The following DNAH11 variants were observed in gnomAD, a reference collection of about 807,000 sequenced individuals.
The protein encoded by DNAH11 is axonemal beta dynein heavy chain 11.
In DNAH11, 442 loss-of-function variants were observed where a neutral mutation model predicts 526.0. The observed-to-expected ratio is 0.84, with a 90% confidence interval of 0.78 to 0.91. The LOEUF (loss-of-function observed/expected upper bound fraction) is 0.91. Ranked by LOEUF, DNAH11 falls within the 40% of genes least tolerant of loss-of-function variation. DNAH11 has a pLI of 0.00. For missense variants in DNAH11, 6,989 were observed against 5,448.7 expected (o/e 1.28, Z -8.90); for synonymous variants, 2,461 against 1,935.9 (o/e 1.27, Z -7.12).
intron 56 of DNAH11, among the ~76,000 whole-genome samples, chr7:21,776,890 T>G (rs904243152): frequency 8.0e-4 from 122 of 152,244 alleles, no homozygotes; most frequent in African/African-American, 2.8e-3. Flanking sequence ...AAAGTGGCAT[T>G]GGTACAATCC....
At chr7:21,829,870 TGGG>T (rs2128007926) in intron 65 of DNAH11, among the ~76,000 whole-genome samples, 1 of 152,364 alleles carries the variant, frequency 6.6e-6, no homozygotes, top group African/African-American at 2.4e-5. Context: ...AACTGATCAT[TGGG>T]AACAGTGTTT....
intron 14 of DNAH11, among the ~76,000 whole-genome samples, chr7:21,593,583 G>T (rs1303332767): frequency 1.3e-5 from 2 of 152,122 alleles, no homozygotes; most frequent in African/African-American, 2.4e-5. Flanking sequence ...ATGGGATTTA[G>T]TAAATACCTG....
At position 21,669,657 on chromosome 7, in the gene DNAH11, T is replaced by TG. The variant is rs565367069; in HGVS notation, c.5328+10626_5328+10627insG. Among the ~76,000 whole-genome samples the TG allele has an allele frequency of 7.2e-3, 1,076 of 149,908 alleles. 16 individuals carry two copies. The highest frequency in any genetic ancestry group is 0.024 in the African/African-American group (988 of 40,828). ...TGTCTTTTTAAAAATGTTTTTCTTT[T>TG]TGTGTGTGTGTGTGTGTGTGTATGA... On this transcript the variant is annotated intron_variant, in intron 30 of 81. Coordinates refer to ENST00000409508, the MANE Select transcript of DNAH11 (RefSeq NM_001277115.2).
intron 61 of DNAH11, among the ~76,000 whole-genome samples, chr7:21,795,787 G>T (rs954698963): frequency 6.6e-6 from 1 of 152,130 alleles, no homozygotes; most frequent in East Asian, 1.9e-4. Flanking sequence ...GCCAAGGGAG[G>T]TTGCATTGGC....
intron 65 of DNAH11, among the ~76,000 whole-genome samples, chr7:21,829,406 A>G (rs978468298): frequency 4.6e-5 from 7 of 152,188 alleles, no homozygotes; most frequent in African/African-American, 7.2e-5. Flanking sequence ...CAATATAATA[A>G]TACAATATCT....
chr7:21,606,314 C>T lies in DNAH11; in HGVS notation c.3649-112C>T, dbSNP rs968652264. ...CTCCAGCCTAGGGGATAGAGCCAGA[C>T]CTTGTCTCAAGAGAAAAAAAAAAAA... is the stretch of plus-strand genomic sequence containing the variant. On this transcript the variant is annotated intron_variant, in intron 18 of 81. Transcript: ENST00000409508. 9 of 898,036 alleles carry T rather than the reference C, an allele frequency of 1.0e-5. No individual in the cohort carries two copies. The African/African-American group carries it at 1.4e-4, about 14-fold the overall frequency. 55.6% of individuals were successfully genotyped at this position (898,036 alleles called of 1,614,324 possible). A position where few individuals can be genotyped will look rare whatever the true frequency, so the allele number is the denominator to read the frequency against.
rs760173975 is a variant in DNAH11, at chr7:21,588,219, T to C, written c.1848+18T>C. ...TGAAACAGGTAAGTGGTGGATAAGG[T>C]TGGACACATTTACAATATCATTTAG... On this transcript the variant is annotated intron_variant, in intron 10 of 81. Transcript: ENST00000409508. The C allele has an allele frequency of 6.2e-7, 1 of 1,603,480 alleles. No individual in the cohort carries two copies. The highest frequency in any genetic ancestry group is 8.5e-7 in the Non-Finnish European group (1 of 1,176,046).
chr7:21,729,362 A>C (rs970879589), intron 45 of DNAH11, among the ~76,000 whole-genome samples: 2 of 151,874 alleles, frequency 1.3e-5, no homozygotes, highest in Non-Finnish European at 2.9e-5. Context: ...TACACCCCTA[A>C]TTTCTTTATG....
rs7780089 is a variant in DNAH11, at chr7:21,614,877, G to A, written c.3853-237G>A. Among the ~76,000 whole-genome samples, 4,563 of 152,252 alleles carry A rather than the reference G, an allele frequency of 0.03. 230 individuals are homozygous for A. The highest frequency in any genetic ancestry group is 0.1 in the African/African-American group (4,281 of 41,534). Reference sequence around the variant, plus strand: ...GATGAAGAAGAAATTTTGCTAATACGTGTATAGGGACAGTATTGTTGAAGT... The same window carrying A: ...GATGAAGAAGAAATTTTGCTAATACATGTATAGGGACAGTATTGTTGAAGT... On this transcript the variant is annotated intron_variant, in intron 20 of 81. Transcript: ENST00000409508.
At chr7:21,870,516 C>G (rs1783457379) in intron 73 of DNAH11, among the ~76,000 whole-genome samples, 1 of 152,108 alleles carries the variant, frequency 6.6e-6, no homozygotes, top group African/African-American at 2.4e-5. Context: ...ACAGTTGACA[C>G]TCAGACAGTT....
chr7:21,742,237 T>G, intron 49 of DNAH11, 71 bp downstream of exon 49: 1 of 1,510,790 alleles, frequency 6.6e-7, no homozygotes, highest in Non-Finnish European at 8.9e-7. Flanking sequence ...TAGCCCATTT[T>G]TTATGTCACT....
At chr7:21,897,990 C>T (rs113961835) in intron 79 of DNAH11, among the ~76,000 whole-genome samples, 448 of 152,298 alleles carry the variant, frequency 2.9e-3, no homozygotes, top group African/African-American at 0.01. Flanking sequence ...TTATTATTCT[C>T]CCTTACGCTG....
In DNAH11 at chr7:21,558,935, C is replaced by G; in HGVS notation, c.629C>G (p.Thr210Ser). 6.3e-7 allele frequency: 1 copy of G among 1,597,254 alleles called. No homozygotes were observed. Among genetic ancestry groups the G allele is most frequent in the Non-Finnish European group, 8.5e-7 (1 of 1,170,986 alleles). The change falls in exon 3 of 82, where the codon ACT (threonine) becomes AGT (serine). Residue 210 changes from threonine to serine, a missense_variant. By Grantham distance (58) the Thr-to-Ser change is moderately conservative. Transcript: ENST00000409508. ...YIFRGKMSRR[T>S]LLPIPTVAGK... The stretch of plus-strand genomic sequence containing the variant: ...TTTAGGGGCAAAATGTCTAGAAGAA[C>G]TCTTCTACCAATTCCCACTGTTGCA...
chr7:21,775,371 C>T (rs1024260483), intron 56 of DNAH11, among the ~76,000 whole-genome samples: 61 of 152,144 alleles, frequency 4.0e-4, no homozygotes, highest in African/African-American at 1.4e-3. Context: ...AATCCCAGCA[C>T]TTTGGGAGGC....
In DNAH11 at chr7:21,620,066, A is replaced by G. The variant is rs2128454196; in HGVS notation, c.4488A>G (p.Leu1496=). The G allele has an allele frequency of 1.9e-6, 3 of 1,590,512 alleles. No individual in the cohort carries two copies. The highest frequency in any genetic ancestry group is 1.7e-6 in the Non-Finnish European group (2 of 1,172,368). ...LKSDEQLFET[L]EHNQVQLQTL... ...CTGATGAACAACTTTTTGAAACTCT[A>G]GAGCACAACCAAGTAAGATGGATAT... The change falls in exon 25 of 82, where the codon CTA becomes CTG. Residue 1496 remains leucine (L), a synonymous_variant. Transcript: ENST00000409508.
intron 43 of DNAH11, among the ~76,000 whole-genome samples, chr7:21,718,515 T>C (rs1243771197): frequency 6.6e-6 from 1 of 152,172 alleles, no homozygotes; most frequent in Non-Finnish European, 1.5e-5. Flanking sequence ...GAAGAGTTCA[T>C]AATATCCCAG....
chr7:21,645,580 T>C (rs576802829), intron 28 of DNAH11, among the ~76,000 whole-genome samples: 1 of 151,932 alleles, frequency 6.6e-6, no homozygotes, highest in Non-Finnish European at 1.5e-5. Flanking sequence ...CAGGCCCCAT[T>C]AAGGAGGATA....
intron 63 of DNAH11, among the ~76,000 whole-genome samples, chr7:21,811,670 G>A (rs941724032): frequency 6.6e-6 from 1 of 152,084 alleles, no homozygotes; most frequent in Non-Finnish European, 1.5e-5. Context: ...CAATGTGAAT[G>A]TACTTAATGC....
chr7:21,755,512 A>C (rs1053985771), intron 54 of DNAH11, among the ~76,000 whole-genome samples: 3 of 152,166 alleles, frequency 2.0e-5, no homozygotes, highest in African/African-American at 7.2e-5. Flanking sequence ...CTAAGTATAT[A>C]TATATATAGT....
Sources: gnomAD v4.1 joint callset for allele counts (sites outside exome capture counted in the v4.1 genomes callset) on GRCh38, gnomAD v4.1.1 for gene constraint, MANE v1.5 for transcripts, NCBI Gene and HGNC (gene_info 2026-07-23, HGNC 2026-07-21) for gene names.